Variants in MRE11 observed in about 807,000 individuals in gnomAD.
MRE11 encodes MRE11 double strand break repair nuclease.
A neutral mutation model predicts 91.7 loss-of-function variants in MRE11; 62 were observed. The ratio of observed to expected loss-of-function variants is 0.68; its 90% CI spans 0.55 to 0.84. The LOEUF (loss-of-function observed/expected upper bound fraction) is 0.84. Ranked by LOEUF, MRE11 falls within the 40% of genes least tolerant of loss-of-function variation. MRE11 has a pLI of 0.00. For missense variants in MRE11, 796 were observed against 852.9 expected (o/e 0.93, Z 0.83); for synonymous variants, 273 against 271.4 (o/e 1.01, Z -0.06).
At chr11:94,480,799 T>C (rs368322233) in intron 4 of MRE11, among the ~76,000 whole-genome samples, 6 of 152,270 alleles carry the variant, frequency 3.9e-5, no homozygotes, top group East Asian at 3.9e-4. Context: ...GTTGGAATTA[T>C]CTTGGGGATC....
chr11:94,464,452 T>C (rs1406177755), intron 10 of MRE11, among the ~76,000 whole-genome samples: 1 of 152,206 alleles, frequency 6.6e-6, no homozygotes, highest in Admixed American at 6.5e-5. Context: ...AATACTTTGT[T>C]CGATGGAATC....
rs555463164 is a variant in MRE11, at chr11:94,473,864, A to C, written c.660-2105T>G. ...GAAATATAATTAAACCAAGATTGAAAAAATAAGTAAACATATATATTTATA... is the reference window on the plus strand; with the variant it reads ...GAAATATAATTAAACCAAGATTGAACAAATAAGTAAACATATATATTTATA... On this transcript the variant is annotated intron_variant, in intron 7 of 19. Transcript: ENST00000323929. Among the ~76,000 whole-genome samples, 6 of 152,238 alleles carry C rather than the reference A, an allele frequency of 3.9e-5. No individual in the cohort carries two copies. In the South Asian group the frequency reaches 1.2e-3, roughly 32 times the overall value.
chr11:94,474,295 T>C lies in MRE11; in HGVS notation c.659+1994A>G, dbSNP rs182153528. On this transcript the variant is annotated intron_variant, in intron 7 of 19. Coordinates refer to ENST00000323929, the MANE Select transcript of MRE11 (RefSeq NM_005591.4). The stretch of plus-strand genomic sequence containing the variant: ...CATCTTGAGGTGCCAAAAAGCTAAC[T>C]AAGGTCATGACCTCAAAACAGATGG... Among the ~76,000 whole-genome samples, 141 of 152,004 alleles carry C rather than the reference T, an allele frequency of 9.3e-4. 1 individual carries two copies. In the East Asian group the frequency reaches 0.021, roughly 22 times the overall value.
At chr11:94,486,441 G>A (rs1029123736) in intron 3 of MRE11, among the ~76,000 whole-genome samples, 3 of 152,140 alleles carry the variant, frequency 2.0e-5, no homozygotes, top group Non-Finnish European at 4.4e-5. Flanking sequence ...AATTCATTCA[G>A]CATTTATTTA....
At chr11:94,433,895 G>A (rs1161592416) in intron 18 of MRE11, among the ~76,000 whole-genome samples, 1 of 152,148 alleles carries the variant, frequency 6.6e-6, no homozygotes, top group Admixed American at 6.5e-5. Flanking sequence ...CCGCTTAAAT[G>A]TAGCTTCCTC....
chr11:94,492,844 A>G lies in MRE11; in HGVS notation c.-43T>C. 6.3e-7 allele frequency: 1 copy of G among 1,589,560 alleles called. No individual in the cohort carries two copies. Among genetic ancestry groups the G allele is most frequent in the Non-Finnish European group, 8.6e-7 (1 of 1,158,712 alleles). On this transcript the variant is annotated 5_prime_UTR_variant, in exon 2 of 20. Coordinates refer to ENST00000323929, the MANE Select transcript of MRE11 (RefSeq NM_005591.4). ...CTCCTCTGGGACCAGGTTCTTCTCC[A>G]AGAACCCCTGGGTACTGTACTCAAA...
the MRE11 span, among the ~76,000 whole-genome samples, chr11:94,506,440 G>C: frequency 6.6e-6 from 1 of 151,674 alleles, no homozygotes; most frequent in Non-Finnish European, 1.5e-5. Context: ...AGACACACAT[G>C]TAACAATTGG....
At chr11:94,431,114 G>A (rs947151757) in intron 18 of MRE11, among the ~76,000 whole-genome samples, 1 of 152,138 alleles carries the variant, frequency 6.6e-6, no homozygotes, top group African/African-American at 2.4e-5. Flanking sequence ...CATGCTTTGG[G>A]ATGTCATTAT....
In MRE11 at chr11:94,417,536, T is replaced by A; in HGVS notation, c.*2589A>T. Reference sequence around the variant, plus strand: ...CTACACTAACTTCGTAATTTTAGATTTGCAGTTGCATCCTCCTAACTGCGT... The same window carrying A: ...CTACACTAACTTCGTAATTTTAGATATGCAGTTGCATCCTCCTAACTGCGT... On this transcript the variant is annotated 3_prime_UTR_variant, in exon 20 of 20. Coordinates refer to ENST00000323929, the MANE Select transcript of MRE11 (RefSeq NM_005591.4). The A allele has an allele frequency of 4.3e-6, 1 of 233,070 alleles. No individual in the cohort carries two copies. The allele number at this position is 233,070 out of a possible 1,614,324, so 14.4% of individuals were successfully genotyped here.
intron 14 of MRE11, among the ~76,000 whole-genome samples, chr11:94,455,822 A>G (rs1946234865): frequency 6.6e-6 from 1 of 152,188 alleles, no homozygotes; most frequent in Non-Finnish European, 1.5e-5. Context: ...TAACAAAGAG[A>G]TATTATTTTG....
At chr11:94,489,435 A>G (rs1947229790) in intron 3 of MRE11, among the ~76,000 whole-genome samples, 1 of 152,164 alleles carries the variant, frequency 6.6e-6, no homozygotes, top group Admixed American at 6.6e-5. Flanking sequence ...ATGGAAGGAC[A>G]CTTGGAAAAT....
chr11:94,481,642 C>T (rs1481856161), intron 4 of MRE11, among the ~76,000 whole-genome samples: 1 of 152,208 alleles, frequency 6.6e-6, no homozygotes, highest in East Asian at 1.9e-4. Flanking sequence ...AGCAGTTTTA[C>T]TGAATCCATT....
intron 10 of MRE11, among the ~76,000 whole-genome samples, chr11:94,467,270 G>A (rs1025900237): frequency 6.6e-6 from 1 of 152,114 alleles, no homozygotes; most frequent in Non-Finnish European, 1.5e-5. Flanking sequence ...AGGATAAGCA[G>A]ATTTATAGGC....
At chr11:94,460,235 C>A (rs930822694) in intron 12 of MRE11, among the ~76,000 whole-genome samples, 1 of 151,094 alleles carries the variant, frequency 6.6e-6, no homozygotes, top group Non-Finnish European at 1.5e-5. Context: ...GTCCTGTGTA[C>A]GATTTCTGAC....
At chr11:94,493,689 T>C (rs1479828441) in intron 1 of MRE11, 102 bp downstream of exon 1, 3 of 152,260 alleles carry the variant, frequency 2.0e-5, no homozygotes, top group African/African-American at 7.2e-5. Flanking sequence ...ATTACCCCAC[T>C]GCTGGACTCT....
intron 8 of MRE11, 25 bp from the exon 9 acceptor site, chr11:94,470,667 G>A (rs554269695): frequency 1.6e-5 from 25 of 1,611,116 alleles, no homozygotes; most frequent in South Asian, 1.2e-4. Context: ...AATGAACACC[G>A]AGTCACAGTG....
chr11:94,484,156 G>T (rs928724403), intron 4 of MRE11, among the ~76,000 whole-genome samples: 1 of 151,874 alleles, frequency 6.6e-6, no homozygotes, highest in South Asian at 2.1e-4. Context: ...GCTAAAGCTG[G>T]AACAATTTAA....
intron 13 of MRE11, among the ~76,000 whole-genome samples, chr11:94,458,295 A>G (rs988063749): frequency 4.6e-5 from 7 of 151,954 alleles, no homozygotes; most frequent in African/African-American, 1.7e-4. Context: ...TGTTGATAAT[A>G]TATCTGGGAT....
At chr11:94,487,340 A>G (rs1947167262) in intron 3 of MRE11, among the ~76,000 whole-genome samples, 1 of 152,232 alleles carries the variant, frequency 6.6e-6, no homozygotes, top group Non-Finnish European at 1.5e-5. Context: ...GAAATATTGA[A>G]AAGAACACGA....
Sources: gnomAD v4.1 joint callset for allele counts (sites outside exome capture counted in the v4.1 genomes callset) on GRCh38, gnomAD v4.1.1 for gene constraint, MANE v1.5 for transcripts, NCBI Gene and HGNC (gene_info 2026-07-23, HGNC 2026-07-21) for gene names.